The following ARL4D variants were observed in gnomAD, a reference collection of about 807,000 sequenced individuals.
ARL4D encodes ARF like GTPase 4D, also known as ADP-ribosylation factor-like protein 4D.
Under a neutral mutation model 0.6 loss-of-function variants are expected in ARL4D, and 1 was observed. The observed-to-expected ratio is 1.64, with a 90% CI of 0.58 to 7.76. The LOEUF is 7.76. Among genes scored for constraint, ARL4D ranks in the 30% most tolerant of loss-of-function variants. ARL4D has a pLI of 0.14. For missense variants in ARL4D, 230 were observed against 264.5 expected (o/e 0.87, Z 0.90); for synonymous variants, 102 against 115.2 (o/e 0.89, Z 0.73).
Position 43,399,725 on chromosome 17 carries a change from A to G in ARL4D, c.-8A>G, listed in dbSNP as rs115054688. On this transcript the variant is annotated 5_prime_UTR_variant, in exon 2 of 2. Coordinates refer to ENST00000320033, the MANE Select transcript of ARL4D (RefSeq NM_001661.4). Reference sequence around the variant, plus strand: ...CCTCCCTGCCTCTACTAGGCGCCTTAGCTCACTATGGGGAACCACTTGACT... The same window carrying G: ...CCTCCCTGCCTCTACTAGGCGCCTTGGCTCACTATGGGGAACCACTTGACT... 2.4e-3 allele frequency: 3,780 copies of G among 1,607,570 alleles called. 67 individuals are homozygous for G. In the African/African-American group the frequency reaches 0.043, roughly 18 times the overall value.
Position 43,399,807 on chromosome 17 carries a change from G to A in ARL4D, c.75G>A (p.Val25=), listed in dbSNP as rs775402108. Residue 25 remains valine, a synonymous_variant, in exon 2 of 2, where the codon GTG becomes GTA. Transcript: ENST00000320033. ...CCCACTTCCAAGCCCTGCATGTCGT[G>A]GTCATTGGGCTGGACTCTGCTGGAA... ...FLPHFQALHV[V]VIGLDSAGKT... 2 of 1,613,988 alleles carry A rather than the reference G, an allele frequency of 1.2e-6. No homozygotes were observed. The highest frequency in any genetic ancestry group is 1.7e-6 in the Non-Finnish European group (2 of 1,179,994).
At position 43,400,732 on chromosome 17, in the gene ARL4D, C is replaced by G. The variant is rs2058085245; in HGVS notation, c.*394C>G. 5.4e-6 allele frequency: 1 copy of G among 185,098 alleles called. No homozygotes were observed. Among genetic ancestry groups the G allele is most frequent in the African/African-American group, 2.4e-5 (1 of 41,806 alleles). 11.5% of individuals were successfully genotyped at this position (185,098 alleles called of 1,614,324 possible). A position where few individuals can be genotyped will look rare whatever the true frequency, so the allele number is the denominator to read the frequency against. ...ATAACTATCTCCCCTTCCTCTGTCCCCCAACTGGGGAGTCTCCCCAGGCTG... is the reference window on the plus strand; with the variant it reads ...ATAACTATCTCCCCTTCCTCTGTCCGCCAACTGGGGAGTCTCCCCAGGCTG... On this transcript the variant is annotated 3_prime_UTR_variant, in exon 2 of 2. Coordinates refer to ENST00000320033, the MANE Select transcript of ARL4D (RefSeq NM_001661.4).
intron 1 of ARL4D, 120 bp from the exon 2 acceptor site, chr17:43,399,541 A>T: frequency 5.3e-5 from 36 of 674,252 alleles, no homozygotes; most frequent in Non-Finnish European, 7.7e-5. Flanking sequence ...AAAAAAAAAA[A>T]GGAAAGGAAT....
intron 1 of ARL4D, 132 bp from the exon 2 acceptor site, chr17:43,399,524 TAAAAA>T (rs3071190): frequency 2.5e-4 from 135 of 539,424 alleles, no homozygotes; most frequent in Middle Eastern, 5.0e-4. Flanking sequence ...TGTTATGCCT[TAAAAA>T]AAAAAAAAAA....
intron 1 of ARL4D, 83 bp from the exon 2 acceptor site, chr17:43,399,577 AT>A: frequency 6.7e-6 from 6 of 892,760 alleles, no homozygotes; most frequent in Non-Finnish European, 9.9e-6. Context: ...TGGGAGGGTG[AT>A]TTAGGAAGGG....
intron 1 of ARL4D, 141 bp downstream of exon 1, chr17:43,399,234 G>T: frequency 6.3e-6 from 1 of 159,412 alleles, no homozygotes; most frequent in Non-Finnish European, 1.4e-5. Context: ...GAAGGGCACC[G>T]TGTCAACGGC....
Position 43,400,216 on chromosome 17 carries a change from C to G in ARL4D, c.484C>G (p.Leu162Val). 2 of 1,602,468 alleles carry G rather than the reference C, an allele frequency of 1.2e-6. No individual in the cohort carries two copies. The highest frequency in any genetic ancestry group is 2.2e-5 in the East Asian group (1 of 44,472). Reference sequence around the variant, plus strand: ...AGTCCGAGAGCTAGCAGCCGCCACTCTCACTCATGTGCAAGGCTGCAGCGC... The same window carrying G: ...AGTCCGAGAGCTAGCAGCCGCCACTGTCACTCATGTGCAAGGCTGCAGCGC... ...LAVRELAAATLTHVQGCSAVD... is the reference protein window; with the variant it reads ...LAVRELAAATVTHVQGCSAVD... Residue 162 changes from leucine (L) to valine (V), a missense_variant, in exon 2 of 2, where the codon CTC becomes GTC. By Grantham distance (32) the Leu-to-Val change is conservative (BLOSUM62 1). Around this residue, in one of 3 missense-constraint regions of ARL4D, gnomAD observed 131 missense variants for 134.4 expected, o/e 0.97. Transcript: ENST00000320033.
Position 43,399,671 on chromosome 17 carries a change from T to C in ARL4D, c.-62T>C. The C allele has an allele frequency of 6.5e-7, 1 of 1,540,886 alleles. No individual in the cohort carries two copies. Among genetic ancestry groups the C allele is most frequent in the Non-Finnish European group, 8.7e-7 (1 of 1,144,402 alleles). On this transcript the variant is annotated 5_prime_UTR_variant, in exon 2 of 2. Transcript: ENST00000320033. ...CTTTTCTTGGTTCAGATAACCCAGC[T>C]GTGCTCCCTGGAACCTTCAATTTCA...
rs148824656 is a variant in ARL4D at position 43,399,969 on chromosome 17, G to A, written c.237G>A (p.Gly79=). The A allele has an allele frequency of 6.5e-4, 1,054 of 1,614,052 alleles. 11 individuals carry two copies. The African/African-American group carries it at 0.013, about 20-fold the overall frequency. The change falls in exon 2 of 2, where the codon GGG becomes GGA. Residue 79 remains glycine, a synonymous_variant. Transcript: ENST00000320033. ...CCTTCCAAGTGTGGGACGTCGGGGG[G>A]CAGGAGAAGCTGCGACCACTGTGGC... ...GITFQVWDVG[G]QEKLRPLWRS...
chr17:43,399,273 G>A (rs1038606383), intron 1 of ARL4D, among the ~76,000 whole-genome samples, 180 bp downstream of exon 1: 11 of 152,040 alleles, frequency 7.2e-5, no homozygotes, highest in Non-Finnish European at 1.5e-4. Flanking sequence ...GGTGGGAGCC[G>A]GACTCAATCT....
chr17:43,400,416 C>A lies in ARL4D; in HGVS notation c.*78C>A. 4.0e-6 allele frequency: 6 copies of A among 1,499,628 alleles called. No individual in the cohort carries two copies. The highest frequency in any genetic ancestry group is 5.3e-6 in the Non-Finnish European group (6 of 1,122,122). The allele number at this position is 1,499,628 out of a possible 1,614,324, so 92.9% of individuals were successfully genotyped here. A position where few individuals can be genotyped will look rare whatever the true frequency, so the allele number is the denominator to read the frequency against. On this transcript the variant is annotated 3_prime_UTR_variant, in exon 2 of 2. Coordinates refer to ENST00000320033, the MANE Select transcript of ARL4D (RefSeq NM_001661.4). ...CAGCAGGGTGGGACCAGCCTGTGAC[C>A]TCTCAGTCAGACTGGGGTGCAGGAC...
rs61749921 is a variant in ARL4D, at chr17:43,400,302, G to T, written c.570G>T (p.Arg190Ser). 6.2e-7 allele frequency: 1 copy of T among 1,600,004 alleles called. No homozygotes were observed. Among genetic ancestry groups the T allele is most frequent in the Non-Finnish European group, 8.5e-7 (1 of 1,172,578 alleles). Reference sequence around the variant, plus strand: ...GCCTCTATGAGATGATCCTCAAGAGGAAGAAGGCAGCTCGGGGTGGCAAGA... The same window carrying T: ...GCCTCTATGAGATGATCCTCAAGAGTAAGAAGGCAGCTCGGGGTGGCAAGA... ...LERLYEMILK[R>S]KKAARGGKKR... The change falls in exon 2 of 2, where the codon AGG becomes AGT. Residue 190 changes from arginine (R) to serine (S), a missense_variant. Physicochemically the swap from Arg to Ser is moderately radical, Grantham distance 110. Coordinates refer to ENST00000320033, the MANE Select transcript of ARL4D (RefSeq NM_001661.4).
intron 1 of ARL4D, 110 bp from the exon 2 acceptor site, chr17:43,399,551 T>G: frequency 1.3e-6 from 1 of 769,818 alleles, no homozygotes; most frequent in Admixed American, 3.2e-5. Flanking sequence ...AGGAAAGGAA[T>G]TTTAAAAATG....
rs780810752 is a variant in ARL4D at position 43,400,372 on chromosome 17, AG to A, written c.*38del. On this transcript the variant is annotated 3_prime_UTR_variant, in exon 2 of 2. Coordinates refer to ENST00000320033, the MANE Select transcript of ARL4D (RefSeq NM_001661.4). ...CCCCCTCCCTTTCCTCCCACCTAGT[AG>A]GGGTCTGCACACTTGGACAGCAGGG... 6.4e-7 allele frequency: 1 copy of A among 1,550,390 alleles called. No individual in the cohort carries two copies. The highest frequency in any genetic ancestry group is 1.9e-5 in the Admixed American group (1 of 53,472).
chr17:43,400,650 T>G lies in ARL4D; in HGVS notation c.*312T>G. On this transcript the variant is annotated 3_prime_UTR_variant, in exon 2 of 2. Transcript: ENST00000320033. Reference sequence around the variant, plus strand: ...TCTTCTCTGGCTAAAAATTTTTAATTGGATGTGTTTGGGGGCGGGGGGATG... The same window carrying G: ...TCTTCTCTGGCTAAAAATTTTTAATGGGATGTGTTTGGGGGCGGGGGGATG... 1 of 253,626 alleles carries G rather than the reference T, an allele frequency of 3.9e-6. No homozygotes were observed. Among genetic ancestry groups the G allele is most frequent in the Non-Finnish European group, 8.2e-6 (1 of 121,996 alleles). The allele number at this position is 253,626 out of a possible 1,614,324, so 15.7% of individuals were successfully genotyped here.
rs142573585 is a variant in ARL4D, at chr17:43,400,239, C to T, written c.507C>T (p.Ser169=). 5.0e-5 allele frequency: 80 copies of T among 1,605,800 alleles called. No homozygotes were observed. The highest frequency in any genetic ancestry group is 3.6e-4 in the Admixed American group (21 of 58,806). ...AATLTHVQGC[S]AVDGLGLQQG... ...CTCTCACTCATGTGCAAGGCTGCAG[C>T]GCTGTGGACGGTCTGGGCCTGCAGC... The change falls in exon 2 of 2, where the codon AGC becomes AGT. Residue 169 remains serine, a synonymous_variant. Coordinates refer to ENST00000320033, the MANE Select transcript of ARL4D (RefSeq NM_001661.4).
At chr17:43,399,276 C>G (rs896784095) in intron 1 of ARL4D, among the ~76,000 whole-genome samples, 183 bp downstream of exon 1, 1 of 152,068 alleles carries the variant, frequency 6.6e-6, no homozygotes, top group Admixed American at 6.5e-5. Flanking sequence ...GGGAGCCGGA[C>G]TCAATCTCCG....
chr17:43,400,380 G>A lies in ARL4D; in HGVS notation c.*42G>A. On this transcript the variant is annotated 3_prime_UTR_variant, in exon 2 of 2. Transcript: ENST00000320033. ...CTTTCCTCCCACCTAGTAGGGGTCT[G>A]CACACTTGGACAGCAGGGTGGGACC... 6.5e-7 allele frequency: 1 copy of A among 1,536,246 alleles called. No individual in the cohort carries two copies. Among genetic ancestry groups the A allele is most frequent in the Non-Finnish European group, 8.7e-7 (1 of 1,142,900 alleles).
Position 43,400,342 on chromosome 17 carries a change from A to C in ARL4D, c.*4A>C. Reference sequence around the variant, plus strand: ...GGGTGGCAAGAAGAGACGGTGACCCAAGCCCCCCCTCCCTTTCCTCCCACC... The same window carrying C: ...GGGTGGCAAGAAGAGACGGTGACCCCAGCCCCCCCTCCCTTTCCTCCCACC... On this transcript the variant is annotated 3_prime_UTR_variant, in exon 2 of 2. Transcript: ENST00000320033. 1 of 1,566,132 alleles carries C rather than the reference A, an allele frequency of 6.4e-7. No homozygotes were observed. The highest frequency in any genetic ancestry group is 1.2e-5 in the South Asian group (1 of 83,332).
Sources: allele counts gnomAD v4.1 joint callset (sites outside exome capture counted in the v4.1 genomes callset), GRCh38; gene constraint gnomAD v4.1.1; regional missense constraint gnomAD v4.1.1; transcripts MANE v1.5; gene names NCBI Gene and HGNC (gene_info 2026-07-23, HGNC 2026-07-21).